The following FBXL5 variants were observed in gnomAD, a reference collection of about 807,000 sequenced individuals.
FBXL5 encodes the protein F-box/LRR-repeat protein 5.
In FBXL5, 26 loss-of-function variants were observed where a neutral mutation model predicts 78.3. That is an observed-to-expected ratio of 0.33 (90% CI 0.24 to 0.46). FBXL5 has a LOEUF of 0.46. FBXL5 is among the 20% of genes least tolerant of loss of function. The probability of loss-of-function intolerance (pLI) is 1.00; values close to 1 mark genes in which losing one functional copy is unlikely to be tolerated. For synonymous variants in FBXL5, 295 were observed against 282.5 expected, an observed-to-expected ratio of 1.04 and a Z score of -0.45; for missense variants, 710 against 829.2, an observed-to-expected ratio of 0.86 and a Z score of 1.77.
chr4:15,625,812 C>A lies in FBXL5; in HGVS notation c.1290G>T (p.Ala430=), dbSNP rs77675463. The part of the protein sequence containing the change: ...KTSTSKITST[A]WKNKDITMQS... ...GCATGGTAATGTCTTTATTTTTCCA[C>A]GCAGTTGAAGTAATTTTGCTTGTAG... is the stretch of plus-strand genomic sequence containing the variant. Residue 430 remains alanine (A), a synonymous_variant, in exon 9 of 11, where the codon GCG becomes GCT. Transcript: ENST00000341285. 64 of 1,613,918 alleles carry A rather than the reference C, an allele frequency of 4.0e-5. No individual in the cohort carries two copies. The highest frequency in any genetic ancestry group is 5.0e-5 in the Non-Finnish European group (59 of 1,179,994).
chr4:15,667,226 G>A (rs1717585366), intron 1 of FBXL5, among the ~76,000 whole-genome samples: 1 of 152,032 alleles, frequency 6.6e-6, no homozygotes, highest in South Asian at 2.1e-4. Context: ...CATGATCACG[G>A]GCAACCTCTT....
intron 1 of FBXL5, among the ~76,000 whole-genome samples, chr4:15,671,688 C>T (rs1461928908): frequency 6.6e-6 from 1 of 152,164 alleles, no homozygotes; most frequent in Non-Finnish European, 1.5e-5. Flanking sequence ...TGTATGCTCC[C>T]TTCCCCTACT....
chr4:15,630,580 C>T, intron 6 of FBXL5, 86 bp downstream of exon 6: 1 of 1,232,608 alleles, frequency 8.1e-7, no homozygotes, highest in East Asian at 3.0e-5. Flanking sequence ...ACACAAAATA[C>T]ATAAATCTAA....
upstream of FBXL5, among the ~76,000 whole-genome samples, chr4:15,660,406 A>G (rs1717248721): frequency 6.6e-6 from 1 of 152,154 alleles, no homozygotes; most frequent in Non-Finnish European, 1.5e-5. Flanking sequence ...AAAACTCAAA[A>G]CAGAGTACCA....
At chr4:15,615,219 C>T (rs554318694) in intron 9 of FBXL5, among the ~76,000 whole-genome samples, 95 of 152,246 alleles carry the variant, frequency 6.2e-4, no homozygotes, top group Non-Finnish European at 1.1e-3. Flanking sequence ...GCTCCTGTGC[C>T]GCCCCAGCCT....
chr4:15,621,421 G>A (rs1296855418), intron 9 of FBXL5, among the ~76,000 whole-genome samples: 1 of 152,030 alleles, frequency 6.6e-6, no homozygotes, highest in African/African-American at 2.4e-5. Context: ...AATTAAACAA[G>A]AAATGGAAAC....
At position 15,627,976 on chromosome 4, in the gene FBXL5, A is replaced by G; in HGVS notation, c.950T>C (p.Leu317Pro). The G allele has an allele frequency of 6.2e-7, 1 of 1,613,716 alleles. No homozygotes were observed. The highest frequency in any genetic ancestry group is 8.5e-7 in the Non-Finnish European group (1 of 1,179,756). Residue 317 changes from leucine (L) to proline (P), a missense_variant, in exon 7 of 11, where the codon CTC (leucine) becomes CCC (proline). Physicochemically the swap from Leu to Pro is moderately conservative, Grantham distance 98. Transcript: ENST00000341285. ...ISIAQMEKRL[L>P]HGLIHNVLPY... is the part of the protein sequence containing the mutation. ...TAGAACGTTATGAATTAAGCCATGG[A>G]GTAAACGTTTTTCCATTTGTGCAAT...
chr4:15,668,251 G>A (rs964806258), intron 1 of FBXL5, among the ~76,000 whole-genome samples: 1 of 150,374 alleles, frequency 6.7e-6, no homozygotes, highest in Non-Finnish European at 1.5e-5. Flanking sequence ...ATCTAGTATG[G>A]TATTTTCAAA....
chr4:15,648,673 A>G (rs561988605), intron 1 of FBXL5, among the ~76,000 whole-genome samples: 3 of 152,356 alleles, frequency 2.0e-5, no homozygotes, highest in African/African-American at 7.2e-5. Context: ...TAGAACTCAC[A>G]GAAGCAGAGA....
intron 5 of FBXL5, among the ~76,000 whole-genome samples, chr4:15,632,882 T>C (rs538040454): frequency 5.9e-5 from 9 of 152,162 alleles, no homozygotes; most frequent in Non-Finnish European, 1.0e-4. Context: ...CTTTTCCTAA[T>C]TGAATACCCT....
chr4:15,605,898 G>C, intron 10 of FBXL5, 99 bp from the exon 11 acceptor site: 2 of 827,822 alleles, frequency 2.4e-6, no homozygotes, highest in Non-Finnish European at 2.0e-6. Flanking sequence ...GGTTTTACTA[G>C]CAGTACTTAT....
At chr4:15,630,825 A>G (rs751098708) in intron 5 of FBXL5, 34 bp from the exon 6 acceptor site, 5 of 1,608,142 alleles carry the variant, frequency 3.1e-6, no homozygotes, top group Non-Finnish European at 2.5e-6. Flanking sequence ...AAGGTTCAAA[A>G]TAATATCAGA....
chr4:15,626,201 T>C (rs528024706), intron 8 of FBXL5, among the ~76,000 whole-genome samples: 1 of 152,130 alleles, frequency 6.6e-6, no homozygotes, highest in Non-Finnish European at 1.5e-5. Context: ...AACAGAAGGG[T>C]AGGATTTGAG....
At chr4:15,646,916 A>G (rs942600657) in intron 1 of FBXL5, among the ~76,000 whole-genome samples, 2 of 152,060 alleles carry the variant, frequency 1.3e-5, no homozygotes, top group South Asian at 2.1e-4. Flanking sequence ...GAAACCACAG[A>G]TTCAACCAAC....
upstream of FBXL5, among the ~76,000 whole-genome samples, chr4:15,658,106 A>G (rs967393157): frequency 6.6e-6 from 1 of 152,244 alleles, no homozygotes; most frequent in African/African-American, 2.4e-5. Context: ...TTCCAAGCCT[A>G]ATTTTGAGAA....
upstream of FBXL5, among the ~76,000 whole-genome samples, chr4:15,660,863 G>A (rs1327186467): frequency 1.3e-5 from 2 of 152,070 alleles, no homozygotes; most frequent in African/African-American, 4.8e-5. Flanking sequence ...GATCACTTCA[G>A]GTCAGGAGTT....
upstream of FBXL5, chr4:15,659,681 C>G: frequency 1.0e-6 from 1 of 972,028 alleles, no homozygotes; most frequent in Non-Finnish European, 1.2e-6. Flanking sequence ...AATTTTCAGA[C>G]AGAGAAGAGC....
chr4:15,635,697 G>A lies in FBXL5; in HGVS notation c.766+797C>T, dbSNP rs140951750. On this transcript the variant is annotated intron_variant, in intron 5 of 10. Coordinates refer to ENST00000341285, the MANE Select transcript of FBXL5 (RefSeq NM_012161.4). Reference sequence around the variant, plus strand: ...GAACCTGGGAGGCAGAGGTTGCAGCGACCCAAGATCGCGCCATTGCACTCT... The same window carrying A: ...GAACCTGGGAGGCAGAGGTTGCAGCAACCCAAGATCGCGCCATTGCACTCT... Among the ~76,000 whole-genome samples, 11 of 145,954 alleles carry A rather than the reference G, an allele frequency of 7.5e-5. No individual in the cohort carries two copies. In the South Asian group the frequency reaches 1.1e-3, roughly 14 times the overall value.
At chr4:15,648,652 G>A (rs1050478239) in intron 1 of FBXL5, among the ~76,000 whole-genome samples, 10 of 152,138 alleles carry the variant, frequency 6.6e-5, no homozygotes, top group Non-Finnish European at 1.5e-4. Context: ...CACTATATAT[G>A]GAATCTAAAG....
Sources: allele counts gnomAD v4.1 joint callset (sites outside exome capture counted in the v4.1 genomes callset), GRCh38; gene constraint gnomAD v4.1.1; transcripts MANE v1.5; gene names NCBI Gene and HGNC (gene_info 2026-07-23, HGNC 2026-07-21).